The following KMT2D variants were observed in gnomAD, a reference collection of about 807,000 sequenced individuals.
The protein encoded by KMT2D is lysine methyltransferase 2D.
A neutral mutation model predicts 512.7 loss-of-function variants in KMT2D; 55 were observed. The observed-to-expected ratio is 0.11, with a 90% confidence interval of 0.09 to 0.13. The LOEUF is 0.13. Among genes scored for constraint, KMT2D ranks in the 10% least tolerant of loss-of-function variants. KMT2D has a pLI of 1.00. For missense variants in KMT2D, 6,061 were observed against 7,127.9 expected, an observed-to-expected ratio of 0.85 and a Z score of 5.39; for synonymous variants, 2,995 against 2,904.0, an observed-to-expected ratio of 1.03 and a Z score of -1.01.
At position 49,031,517 on chromosome 12, in the gene KMT2D, A is replaced by G. The variant is rs2120420858; in HGVS notation, c.13188T>C (p.Pro4396=). Residue 4396 remains proline (P), a synonymous_variant, in exon 40 of 55, where the codon CCT becomes CCC. Transcript: ENST00000301067. ...GTCCATTCACCTGGTCCAGATGCCC[A>G]GGTACCAGGCTGCTCTGCTCTGGCT... ...TQKPEQSSLV[P]GHLDQVNGQV... is the part of the protein sequence containing the mutation. 2 of 1,611,038 alleles carry G rather than the reference A, an allele frequency of 1.2e-6. No individual in the cohort carries two copies. Among genetic ancestry groups the G allele is most frequent in the Non-Finnish European group, 8.5e-7 (1 of 1,178,666 alleles).
At position 49,033,793 on chromosome 12, in the gene KMT2D, C is replaced by A; in HGVS notation, c.10912G>T (p.Gly3638Cys). The A allele has an allele frequency of 1.9e-6, 3 of 1,601,056 alleles. No individual in the cohort carries two copies. The highest frequency in any genetic ancestry group is 1.3e-5 in the African/African-American group (1 of 74,572). ...CCCTGTGGTGGCTGCAGCCCATGGCCAGGGAGCAGCTGACCAGGGAGCTTG... is the reference window on the plus strand; with the variant it reads ...CCCTGTGGTGGCTGCAGCCCATGGCAAGGGAGCAGCTGACCAGGGAGCTTG... Reference protein sequence around the residue: ...LTKLPGQLLPGHGLQPPQGPP... With the variant: ...LTKLPGQLLPCHGLQPPQGPP... Residue 3638 changes from glycine (G) to cysteine (C), a missense_variant, in exon 40 of 55, where the codon GGC becomes TGC. By Grantham distance (159) the Gly-to-Cys change is radical (BLOSUM62 -3). Coordinates refer to ENST00000301067, the MANE Select transcript of KMT2D (RefSeq NM_003482.4).
chr12:49,021,621 A>G lies in KMT2D; in HGVS notation c.*159T>C. The G allele has an allele frequency of 4.8e-6, 3 of 630,058 alleles. No individual in the cohort carries two copies. Among genetic ancestry groups the G allele is most frequent in the East Asian group, 2.7e-5 (1 of 36,492 alleles). The allele number at this position is 630,058 out of a possible 1,614,324, so 39.0% of individuals were successfully genotyped here. A position where few individuals can be genotyped will look rare whatever the true frequency, so the allele number is the denominator to read the frequency against. ...CTGGTGCCCAGGGTGGGCTTGGCCT[A>G]GGGCCCTCTGCCCCAGCCTCCTGCT... On this transcript the variant is annotated 3_prime_UTR_variant, in exon 55 of 55. Transcript: ENST00000301067.
chr12:49,051,376 G>A lies in KMT2D; in HGVS notation c.2307C>T (p.His769=), dbSNP rs2120669168. The A allele has an allele frequency of 2.5e-6, 4 of 1,607,850 alleles. No homozygotes were observed. The highest frequency in any genetic ancestry group is 3.4e-6 in the Non-Finnish European group (4 of 1,178,122). Residue 769 remains histidine, a synonymous_variant, in exon 11 of 55, where the codon CAC becomes CAT. Transcript: ENST00000301067. ...ATGGCTCCTCAGGCTGGGGGGACAG[G>A]TGTGGCTCCTCAGCCTGCGGAGATA... The part of the protein sequence containing the change: ...PHLSPQAEEP[H]LSPQPEEPCL...
chr12:49,036,965 A>C (rs1057452345), intron 35 of KMT2D, among the ~76,000 whole-genome samples, 160 bp downstream of exon 35: 15 of 152,228 alleles, frequency 9.9e-5, no homozygotes, highest in African/African-American at 3.6e-4. Flanking sequence ...TCTTCTTAAA[A>C]GCTACAGTGT....
In KMT2D at chr12:49,031,295, C is replaced by A; in HGVS notation, c.13410G>T (p.Lys4470Asn). 1 of 1,613,560 alleles carries A rather than the reference C, an allele frequency of 6.2e-7. No homozygotes were observed. Among genetic ancestry groups the A allele is most frequent in the South Asian group, 1.1e-5 (1 of 91,088 alleles). Residue 4470 changes from lysine to asparagine, a missense_variant, in exon 40 of 55, where the codon AAG becomes AAT. By Grantham distance (94) the Lys-to-Asn change is moderately conservative. Around this residue, in one of 16 missense-constraint regions of KMT2D, gnomAD observed 1,600 missense variants for 1,754.9 expected, o/e 0.91. Coordinates refer to ENST00000301067, the MANE Select transcript of KMT2D (RefSeq NM_003482.4). ...HLLLQKLLRA[K>N]NVQLSTGRGS... ...CCCGCCCAGTGCTGAGTTGCACATTCTTTGCCCGGAGTAGCTTCTGCAAGA... is the reference window on the plus strand; with the variant it reads ...CCCGCCCAGTGCTGAGTTGCACATTATTTGCCCGGAGTAGCTTCTGCAAGA...
At chr12:49,049,569 G>T in intron 12 of KMT2D, 113 bp downstream of exon 12, 2 of 1,175,806 alleles carry the variant, frequency 1.7e-6, no homozygotes, top group Non-Finnish European at 2.3e-6. Context: ...TGGAATAAAG[G>T]ATCTCCAAGT....
chr12:49,026,354 G>A lies in KMT2D; in HGVS notation c.15612C>T (p.Ala5204=), dbSNP rs2137715560. 6.2e-7 allele frequency: 1 copy of A among 1,612,806 alleles called. No individual in the cohort carries two copies. The highest frequency in any genetic ancestry group is 8.5e-7 in the Non-Finnish European group (1 of 1,178,844). Reference sequence around the variant, plus strand: ...TGGCCTCGTAGCCCACGGGATAGAGGGCAGTGGCACTATGAAAGTCAGCCA... The same window carrying A: ...TGGCCTCGTAGCCCACGGGATAGAGAGCAGTGGCACTATGAAAGTCAGCCA... ...HQMADFHSAT[A]LYPVGYEATR... The change falls in exon 49 of 55, where the codon GCC becomes GCT. Residue 5204 remains alanine (A), a synonymous_variant. Transcript: ENST00000301067. This position sits in a 1 kb window ranked among gnomAD's most constrained non-coding sequence, Gnocchi z 9.6.
At position 49,032,934 on chromosome 12, in the gene KMT2D, T is replaced by C; in HGVS notation, c.11771A>G (p.Gln3924Arg). Reference sequence around the variant, plus strand: ...TTGAAGCTGTTGCTGCTGAAGTTGCTGTTGCTGTTGTAGCTGCTGCTGCTG... The same window carrying C: ...TTGAAGCTGTTGCTGCTGAAGTTGCCGTTGCTGTTGTAGCTGCTGCTGCTG... Reference protein sequence around the residue: ...QQQQQQLQQQQQLQQQQLQQQ... With the variant: ...QQQQQQLQQQRQLQQQQLQQQ... Residue 3924 changes from glutamine (Q) to arginine (R), a missense_variant, in exon 40 of 55, where the codon CAG (glutamine) becomes CGG (arginine). Physicochemically the swap from Gln to Arg is conservative, Grantham distance 43. This residue lies in a region of KMT2D where 1,600 missense variants were observed against 1,754.9 expected (regional missense o/e 0.91). Transcript: ENST00000301067. 1.3e-6 allele frequency: 2 copies of C among 1,550,518 alleles called. No homozygotes were observed. The highest frequency in any genetic ancestry group is 8.7e-7 in the Non-Finnish European group (1 of 1,146,882).
Position 49,022,981 on chromosome 12 carries a change from C to A in KMT2D, c.16053-106G>T. 2 of 1,217,514 alleles carry A rather than the reference C, an allele frequency of 1.6e-6. No individual in the cohort carries two copies. Among genetic ancestry groups the A allele is most frequent in the East Asian group, 5.2e-5 (2 of 38,644 alleles). The allele number at this position is 1,217,514 out of a possible 1,614,324, so 75.4% of individuals were successfully genotyped here. ...GGATGTGCAACACACCAGTTAGGGG[C>A]GTGTGCTGCTGGCAAGCACTGGAAG... On this transcript the variant is annotated intron_variant, in intron 51 of 54. Transcript: ENST00000301067. This position sits in a 1 kb window ranked among gnomAD's most constrained non-coding sequence, Gnocchi z 8.6.
rs776030684 is a variant in KMT2D, at chr12:49,039,413, T to G, written c.8229+22A>C. The G allele has an allele frequency of 1.2e-6, 2 of 1,601,942 alleles. No individual in the cohort carries two copies. The highest frequency in any genetic ancestry group is 2.7e-5 in the African/African-American group (2 of 74,560). On this transcript the variant is annotated intron_variant, in intron 33 of 54. Transcript: ENST00000301067. This position sits in a 1 kb window ranked among gnomAD's most constrained non-coding sequence, Gnocchi z 5.0. ...GCAACCTTCAATATCCTGGCCCCAC[T>G]ATCCCTTGCCACTCTACCTACCTGT... is the stretch of plus-strand genomic sequence containing the variant.
rs762177398 is a variant in KMT2D at position 49,033,980 on chromosome 12, C to G, written c.10741-16G>C. 1 of 1,540,340 alleles carries G rather than the reference C, an allele frequency of 6.5e-7. No homozygotes were observed. Among genetic ancestry groups the G allele is most frequent in the Non-Finnish European group, 8.8e-7 (1 of 1,142,292 alleles). ...GTTTCCGGACCTAACATGGGAGGGTCGGAGAGGTCAGGCTGGGGCATGCTC... is the reference window on the plus strand; with the variant it reads ...GTTTCCGGACCTAACATGGGAGGGTGGGAGAGGTCAGGCTGGGGCATGCTC... On this transcript the variant is annotated splice_polypyrimidine_tract_variant and intron_variant, in intron 39 of 54. Transcript: ENST00000301067.
At position 49,033,978 on chromosome 12, in the gene KMT2D, G is replaced by A. The variant is rs1943086534; in HGVS notation, c.10741-14C>T. 1.9e-6 allele frequency: 3 copies of A among 1,539,264 alleles called. No individual in the cohort carries two copies. The highest frequency in any genetic ancestry group is 1.4e-5 in the African/African-American group (1 of 73,150). On this transcript the variant is annotated splice_polypyrimidine_tract_variant and intron_variant, in intron 39 of 54. Coordinates refer to ENST00000301067, the MANE Select transcript of KMT2D (RefSeq NM_003482.4). ...CTGTTTCCGGACCTAACATGGGAGG[G>A]TCGGAGAGGTCAGGCTGGGGCATGC...
rs2120367756 is a variant in KMT2D at position 49,027,099 on chromosome 12, G to T, written c.14867C>A (p.Pro4956His). 6.2e-7 allele frequency: 1 copy of T among 1,608,308 alleles called. No homozygotes were observed. Among genetic ancestry groups the T allele is most frequent in the Non-Finnish European group, 8.5e-7 (1 of 1,176,278 alleles). The change falls in exon 49 of 55, where the codon CCT becomes CAT. Residue 4956 changes from proline to histidine, a missense_variant. Transcript: ENST00000301067. ...ACGGGGCTTGGGTCGGGCTGATTCA[G>T]GGGATGAGGCCAGTGGCAGAGGTGA... is the stretch of plus-strand genomic sequence containing the variant. The part of the protein sequence containing the change: ...VPSPLPLASS[P>H]ESARPKPRAR...
In KMT2D at chr12:49,030,923, G is replaced by A. The variant is rs779588069; in HGVS notation, c.13641C>T (p.Ala4547=). Reference sequence around the variant, plus strand: ...TCAGCTGTTTCAGCAAGGCCTCGCTGGCCCTGACCCCGTCCTCCTTCCGCA... The same window carrying A: ...TCAGCTGTTTCAGCAAGGCCTCGCTAGCCCTGACCCCGTCCTCCTTCCGCA... ...KKLRKEDGVR[A]SEALLKQLKQ... The change falls in exon 41 of 55, where the codon GCC becomes GCT. Residue 4547 remains alanine, a synonymous_variant. Coordinates refer to ENST00000301067, the MANE Select transcript of KMT2D (RefSeq NM_003482.4). 1.9e-6 allele frequency: 3 copies of A among 1,613,918 alleles called. No individual in the cohort carries two copies. Among genetic ancestry groups the A allele is most frequent in the Non-Finnish European group, 2.5e-6 (3 of 1,179,836 alleles).
intron 43 of KMT2D, 141 bp downstream of exon 43, chr12:49,030,139 G>C: frequency 4.5e-6 from 3 of 660,468 alleles, no homozygotes; most frequent in Non-Finnish European, 7.7e-6. Context: ...TCCTGAAAGG[G>C]CCCTTCCTAC....
In KMT2D at chr12:49,051,177, G is replaced by C. The variant is rs200192746; in HGVS notation, c.2506C>G (p.Gln836Glu). ...PQPEESHLSPQSEEPCLSPRP... is the reference protein window; with the variant it reads ...PQPEESHLSPESEEPCLSPRP... ...GGGGACAGGCATGGCTCCTCAGACT[G>C]GGGGGACAGGTGTGATTCCTCAGGT... Residue 836 changes from glutamine to glutamate, a missense_variant, in exon 11 of 55, where the codon CAG becomes GAG. This residue lies in a region of KMT2D where 848 missense variants were observed against 838.5 expected (regional missense o/e 1.01). Coordinates refer to ENST00000301067, the MANE Select transcript of KMT2D (RefSeq NM_003482.4). 1 of 1,510,026 alleles carries C rather than the reference G, an allele frequency of 6.6e-7. No homozygotes were observed. Among genetic ancestry groups the C allele is most frequent in the Non-Finnish European group, 8.9e-7 (1 of 1,124,100 alleles). 93.5% of individuals were successfully genotyped at this position (1,510,026 alleles called of 1,614,324 possible). A position where few individuals can be genotyped will look rare whatever the true frequency, so the allele number is the denominator to read the frequency against.
chr12:49,056,778 T>A (rs1340574593), intron 1 of KMT2D, among the ~76,000 whole-genome samples: 1 of 152,198 alleles, frequency 6.6e-6, no homozygotes, highest in African/African-American at 2.4e-5. Flanking sequence ...CACTTACGGT[T>A]GAATGACTGG....
chr12:49,057,076 T>A (rs1254519926), intron 1 of KMT2D, among the ~76,000 whole-genome samples: 1 of 152,130 alleles, frequency 6.6e-6, no homozygotes, highest in East Asian at 1.9e-4. Flanking sequence ...GTGGGTCATC[T>A]GGCCGGCTCG....
At position 49,049,190 on chromosome 12, in the gene KMT2D, C is replaced by T. The variant is rs762289838; in HGVS notation, c.3935G>A (p.Arg1312His). Residue 1312 changes from arginine to histidine, a missense_variant, in exon 13 of 55, where the codon CGC becomes CAC. Transcript: ENST00000301067. ...QGRSSSFPGR[R>H]RPRGGAHGGR... ...TCCATGGGCTCCTCCACGAGGCCGG[C>T]GTCTTCCTGGGAAACTGCTGCTGCG... 4.4e-6 allele frequency: 7 copies of T among 1,606,938 alleles called. No individual in the cohort carries two copies. The highest frequency in any genetic ancestry group is 2.2e-5 in the East Asian group (1 of 44,750).
Sources: gnomAD v4.1 joint callset for allele counts (sites outside exome capture counted in the v4.1 genomes callset) on GRCh38, gnomAD v4.1.1 for gene constraint, gnomAD v4.1.1 regional missense constraint, Gnocchi (gnomAD v3.1) non-coding constraint, MANE v1.5 for transcripts, NCBI Gene and HGNC (gene_info 2026-07-23, HGNC 2026-07-21) for gene names.